MAP4K3: variants seen among roughly 807,000 people sequenced by gnomAD.
MAP4K3 encodes MAPK/ERK kinase kinase kinase 3.
Under a neutral mutation model 143.5 loss-of-function variants are expected in MAP4K3, and 94 were observed. That is an observed-to-expected ratio of 0.65 (90% CI 0.55 to 0.78). The LOEUF (loss-of-function observed/expected upper bound fraction) is 0.78, where lower values mean the gene tolerates loss of function less well. Among genes scored for constraint, MAP4K3 ranks in the 30% least tolerant of loss-of-function variants. The pLI, the probability that MAP4K3 is intolerant of heterozygous loss-of-function variation, is 0.00. For synonymous variants in MAP4K3, 416 were observed against 347.2 expected, an observed-to-expected ratio of 1.20 and a Z score of -2.20; for missense variants, 1,077 against 1,068.1, an observed-to-expected ratio of 1.01 and a Z score of -0.12.
rs1683469724 is a variant in MAP4K3, at chr2:39,325,755, CT to C, written c.781del (p.Arg261AspfsTer13). 1 of 1,609,564 alleles carries C rather than the reference CT, an allele frequency of 6.2e-7. No individual in the cohort carries two copies. On this transcript the variant is annotated frameshift_variant, in exon 11 of 34. Coordinates refer to ENST00000263881, the MANE Select transcript of MAP4K3 (RefSeq NM_003618.4). LOFTEE classifies it high-confidence loss of function. ...CTGTAATAATTTTTCAGCAGTAGGT[CT>C]TTTTTTCGGATTTTTGGTAAGTGCC... is the stretch of plus-strand genomic sequence containing the variant. ...KMALTKNPKK[R>X]PTAEKLLQHP...
intron 15 of MAP4K3, among the ~76,000 whole-genome samples, chr2:39,305,781 T>A (rs969205185): frequency 6.6e-6 from 1 of 151,870 alleles, no homozygotes; most frequent in African/African-American, 2.4e-5. Context: ...GGTAACTTAT[T>A]CAAGTTACTA....
At chr2:39,340,793 G>C (rs1665116547) in intron 4 of MAP4K3, among the ~76,000 whole-genome samples, 1 of 152,098 alleles carries the variant, frequency 6.6e-6, no homozygotes, top group Non-Finnish European at 1.5e-5. Flanking sequence ...ATAATTTCTA[G>C]ACATGAAAAT....
chr2:39,299,661 T>C, intron 16 of MAP4K3, 82 bp downstream of exon 16: 1 of 697,462 alleles, frequency 1.4e-6, no homozygotes, highest in Admixed American at 3.4e-5. Context: ...TACAATTTTC[T>C]ACCTTAAATA....
chr2:39,255,991 T>C lies in MAP4K3; in HGVS notation c.2471-1471A>G, dbSNP rs545305472. 3.9e-5 allele frequency among the ~76,000 whole-genome samples: 6 copies of C among 152,328 alleles called. No homozygotes were observed. The East Asian group carries it at 7.7e-4, about 20-fold the overall frequency. On this transcript the variant is annotated intron_variant, in intron 31 of 33. Coordinates refer to ENST00000263881, the MANE Select transcript of MAP4K3 (RefSeq NM_003618.4). Reference sequence around the variant, plus strand: ...TGTAGTTCTTCACTTGCTGAATCTTTTATGTCTTAAAAAAAAATAATTTGG... The same window carrying C: ...TGTAGTTCTTCACTTGCTGAATCTTCTATGTCTTAAAAAAAAATAATTTGG...
At chr2:39,262,798 T>C (rs1680618856) in intron 28 of MAP4K3, among the ~76,000 whole-genome samples, 1 of 152,106 alleles carries the variant, frequency 6.6e-6, no homozygotes, top group Non-Finnish European at 1.5e-5. Flanking sequence ...TTTTTAACTT[T>C]TATTTATAAT....
At chr2:39,416,006 A>ATATATATAAAT (rs1420812309) in intron 1 of MAP4K3, among the ~76,000 whole-genome samples, 2 of 75,886 alleles carry the variant, frequency 2.6e-5, no homozygotes, top group African/African-American at 1.4e-4. Context: ...TATATATATA[A>ATATATATAAAT]AAATAACATT....
intron 1 of MAP4K3, among the ~76,000 whole-genome samples, chr2:39,401,829 G>A (rs1489658882): frequency 6.6e-6 from 1 of 151,918 alleles, no homozygotes; most frequent in Non-Finnish European, 1.5e-5. Context: ...ACAAGAATCT[G>A]TTTCTGAAGT....
rs1442711395 is a variant in MAP4K3, at chr2:39,336,314, A to G, written c.414+606T>C. Among the ~76,000 whole-genome samples the G allele has an allele frequency of 2.0e-5, 3 of 151,922 alleles. No homozygotes were observed. The South Asian group carries it at 6.2e-4, about 32-fold the overall frequency. ...ATGATGAAATCCTGTCTTTACTAAA[A>G]ATATGAAAATTAGCCAAGCATGGTG... On this transcript the variant is annotated intron_variant, in intron 6 of 33. Coordinates refer to ENST00000263881, the MANE Select transcript of MAP4K3 (RefSeq NM_003618.4).
intron 12 of MAP4K3, chr2:39,323,452 G>C (rs1683384720): frequency 6.6e-6 from 1 of 152,160 alleles, no homozygotes; most frequent in Non-Finnish European, 1.5e-5. Flanking sequence ...GATATAGGCA[G>C]TCCTTGTTTT....
At chr2:39,436,544 G>C (rs867426729) in intron 1 of MAP4K3, 1 of 252,478 alleles carries the variant, frequency 4.0e-6, no homozygotes, top group Non-Finnish European at 7.8e-6. Flanking sequence ...TGTCCGGTTC[G>C]TCGCGCTGAC....
chr2:39,379,912 T>C (rs1297385315), intron 1 of MAP4K3: 1 of 161,496 alleles, frequency 6.2e-6, no homozygotes. Context: ...AAATGGTTGC[T>C]GTACACAATG....
chr2:39,416,918 T>C (rs1260782363), intron 1 of MAP4K3, among the ~76,000 whole-genome samples: 2 of 152,198 alleles, frequency 1.3e-5, no homozygotes, highest in Admixed American at 1.3e-4. Context: ...AAAAGCTCTC[T>C]GGGCCCCTCT....
intron 1 of MAP4K3, among the ~76,000 whole-genome samples, chr2:39,390,223 A>G (rs542129837): frequency 5.3e-5 from 8 of 152,304 alleles, no homozygotes; most frequent in Non-Finnish European, 1.0e-4. Context: ...GTAGGACCCA[A>G]TGATTTTTAA....
intron 21 of MAP4K3, 147 bp downstream of exon 21, chr2:39,286,705 T>A (rs889374460): frequency 2.5e-6 from 1 of 404,454 alleles, no homozygotes; most frequent in Admixed American, 4.3e-5. Context: ...AATAATCTAT[T>A]CACCATTATA....
chr2:39,345,518 G>A (rs987195123), intron 3 of MAP4K3, among the ~76,000 whole-genome samples: 3 of 152,154 alleles, frequency 2.0e-5, no homozygotes, highest in Admixed American at 6.6e-5. Context: ...TGACTTGACC[G>A]TAGTGGACAA....
chr2:39,382,771 C>T (rs1450561200), intron 1 of MAP4K3, among the ~76,000 whole-genome samples: 7 of 152,306 alleles, frequency 4.6e-5, no homozygotes, highest in Admixed American at 3.3e-4. Flanking sequence ...ACTGCTGATA[C>T]ACAGTCAGGT....
chr2:39,335,317 C>A (rs1031449603), intron 6 of MAP4K3, among the ~76,000 whole-genome samples: 1 of 152,064 alleles, frequency 6.6e-6, no homozygotes, highest in African/African-American at 2.4e-5. Context: ...AGAATGGGAG[C>A]ATTGAGACCA....
intron 1 of MAP4K3, among the ~76,000 whole-genome samples, chr2:39,424,337 T>G (rs79023187): frequency 4.6e-5 from 7 of 151,766 alleles, no homozygotes; most frequent in African/African-American, 1.7e-4. Flanking sequence ...GGAGGGGAAT[T>G]AGAATCAAGG....
intron 1 of MAP4K3, among the ~76,000 whole-genome samples, chr2:39,432,814 T>C (rs146072603): frequency 6.6e-6 from 1 of 152,316 alleles, no homozygotes; most frequent in African/African-American, 2.4e-5. Flanking sequence ...TCACAGACAC[T>C]TTAAATCTAT....
Sources: allele counts gnomAD v4.1 joint callset (sites outside exome capture counted in the v4.1 genomes callset), GRCh38; gene constraint gnomAD v4.1.1; transcripts MANE v1.5; gene names NCBI Gene and HGNC (gene_info 2026-07-23, HGNC 2026-07-21).